FBXO17: variants seen among roughly 807,000 people sequenced by gnomAD.
FBXO17 encodes F-box only protein 17.
FBXO17 carries 43 observed loss-of-function variants against 34.1 expected under a neutral mutation model. The observed-to-expected ratio is 1.26, with a 90% CI of 0.99 to 1.62. The LOEUF (loss-of-function observed/expected upper bound fraction) is 1.62. FBXO17 is among the 40% of genes most tolerant of loss of function. FBXO17 has a pLI of 0.00. For missense variants in FBXO17, 424 were observed against 386.7 expected (o/e 1.10, Z -0.81); for synonymous variants, 169 against 166.0 (o/e 1.02, Z -0.14).
At position 38,975,501 on chromosome 19, in the gene FBXO17, C is replaced by T. The variant is rs1975449482; in HGVS notation, c.-18+85G>A. 6.6e-6 allele frequency: 1 copy of T among 152,256 alleles called. No homozygotes were observed. Among genetic ancestry groups the T allele is most frequent in the Non-Finnish European group, 1.5e-5 (1 of 68,080 alleles). The allele number at this position is 152,256 out of a possible 1,614,324, so 9.4% of individuals were successfully genotyped here. On this transcript the variant is annotated intron_variant, in intron 1 of 5. Transcript: ENST00000292852. This position sits in a 1 kb window ranked among gnomAD's most constrained non-coding sequence, Gnocchi z 4.9. The stretch of plus-strand genomic sequence containing the variant: ...TCCGGGCAGGGCCTGGCGCGGGAAT[C>T]CTTCCCGGGGCGCCCCAGCTGTGGG...
intron 1 of FBXO17, among the ~76,000 whole-genome samples, chr19:38,955,066 G>A (rs1451998751): frequency 6.6e-6 from 1 of 151,704 alleles, no homozygotes; most frequent in East Asian, 1.9e-4. Context: ...GGGTAACTGA[G>A]ACTACAGGCG....
At position 38,946,458 on chromosome 19, in the gene FBXO17, C is replaced by T. The variant is rs370841899; in HGVS notation, c.557+14G>A. The T allele has an allele frequency of 2.2e-5, 35 of 1,613,694 alleles. No homozygotes were observed. In the African/African-American group the frequency reaches 2.5e-4, roughly 12 times the overall value. On this transcript the variant is annotated intron_variant, in intron 4 of 5. Transcript: ENST00000292852. ...CTGCTGCTGCTCTGGGGCAGGGTGC[C>T]GCTCCTCACTCACCAGTCAGCCACA... is the stretch of plus-strand genomic sequence containing the variant.
chr19:38,949,822 C>G (rs1975045114), intron 2 of FBXO17, 149 bp downstream of exon 2: 2 of 1,015,734 alleles, frequency 2.0e-6, no homozygotes, highest in Non-Finnish European at 1.4e-6. Context: ...CCGGGCCTAC[C>G]GCCCAGGCAC....
At chr19:38,945,412 C>CCCAGGGAAGAGACCAGATTTTCTA (rs1974963390) in intron 4 of FBXO17, 1 of 226,340 alleles carries the variant, frequency 4.4e-6, no homozygotes, top group Non-Finnish European at 7.5e-6. Context: ...GAGCCAGAGC[C>CCCAGGGAAGAGACCAGATTTTCTA]TGGGGGAGGG....
intron 5 of FBXO17, 49 bp from the exon 6 acceptor site, chr19:38,942,800 C>T (rs2144804879): frequency 6.4e-7 from 1 of 1,570,478 alleles, no homozygotes; most frequent in African/African-American, 1.4e-5. Flanking sequence ...GGCCCCTTCT[C>T]TTCCTCCACT....
At chr19:38,943,728 T>C (rs1206678424) in intron 5 of FBXO17, among the ~76,000 whole-genome samples, 1 of 152,144 alleles carries the variant, frequency 6.6e-6, no homozygotes, top group East Asian at 1.9e-4. Flanking sequence ...GAAGCTGGGA[T>C]TACAGACGCC....
At chr19:38,962,079 TG>T in intron 1 of FBXO17, among the ~76,000 whole-genome samples, 1 of 148,244 alleles carries the variant, frequency 6.7e-6, no homozygotes, top group Non-Finnish European at 1.5e-5. Flanking sequence ...AACTGGAGTT[TG>T]GTTCTAGCCC....
chr19:38,967,029 A>G (rs752622434), intron 1 of FBXO17, among the ~76,000 whole-genome samples: 9 of 152,240 alleles, frequency 5.9e-5, no homozygotes, highest in South Asian at 2.1e-4. Context: ...ACTATGATTC[A>G]TAAAAGAAAA....
In FBXO17 at chr19:38,951,264, C is replaced by T. The variant is rs1260453023; in HGVS notation, c.-17-928G>A. 2.0e-5 allele frequency among the ~76,000 whole-genome samples: 3 copies of T among 152,014 alleles called. No homozygotes were observed. The East Asian group carries it at 5.8e-4, about 29-fold the overall frequency. On this transcript the variant is annotated intron_variant, in intron 1 of 5. Transcript: ENST00000292852. ...GACTATAGCCTCTACCTCCTGGGCTCGAGTGATCCTCCTGCCTCAGCCTCC... is the reference window on the plus strand; with the variant it reads ...GACTATAGCCTCTACCTCCTGGGCTTGAGTGATCCTCCTGCCTCAGCCTCC...
chr19:38,973,725 C>A (rs1320610204), intron 1 of FBXO17, among the ~76,000 whole-genome samples: 1 of 151,880 alleles, frequency 6.6e-6, no homozygotes, highest in East Asian at 1.9e-4. Context: ...CACCTGTAAT[C>A]CCAGGACTTT....
At chr19:38,969,557 T>A (rs1975363783) in intron 1 of FBXO17, among the ~76,000 whole-genome samples, 1 of 149,410 alleles carries the variant, frequency 6.7e-6, no homozygotes, top group African/African-American at 2.5e-5. Flanking sequence ...CCTGGTGGAA[T>A]CCATTTGGAA....
chr19:38,945,132 C>T, intron 4 of FBXO17, 28 bp from the exon 5 acceptor site: 1 of 1,612,622 alleles, frequency 6.2e-7, no homozygotes, highest in Non-Finnish European at 8.5e-7. Flanking sequence ...GCCTCTATGC[C>T]CCCGTCACCC....
chr19:38,959,030 G>A (rs1415330293), intron 1 of FBXO17, among the ~76,000 whole-genome samples: 1 of 152,098 alleles, frequency 6.6e-6, no homozygotes, highest in Non-Finnish European at 1.5e-5. Context: ...AGCCTCCTGA[G>A]TAGATGGGAC....
intron 1 of FBXO17, among the ~76,000 whole-genome samples, chr19:38,950,600 A>G (rs1037544686): frequency 6.6e-6 from 1 of 152,244 alleles, no homozygotes; most frequent in Admixed American, 6.5e-5. Context: ...TAAGCGCTTC[A>G]GGTATATGAC....
At chr19:38,948,338 C>A (rs934633740) in intron 3 of FBXO17, among the ~76,000 whole-genome samples, 3 of 152,230 alleles carry the variant, frequency 2.0e-5, no homozygotes, top group African/African-American at 7.2e-5. Flanking sequence ...GGCGATGATG[C>A]ACAGAGCATT....
At chr19:38,946,398 G>A in intron 4 of FBXO17, 74 bp downstream of exon 4, 1 of 1,600,978 alleles carries the variant, frequency 6.2e-7, no homozygotes, top group Admixed American at 1.7e-5. Context: ...TGATGGGGCG[G>A]GAAATGAGCC....
At chr19:38,946,279 A>G (rs1974981631) in intron 4 of FBXO17, 193 bp downstream of exon 4, 2 of 947,730 alleles carry the variant, frequency 2.1e-6, no homozygotes, top group Admixed American at 2.9e-5. Context: ...GCAGGAGTGC[A>G]GAGTGGGGGC....
At chr19:38,958,207 T>C (rs751103855) in intron 1 of FBXO17, among the ~76,000 whole-genome samples, 2 of 143,758 alleles carry the variant, frequency 1.4e-5, no homozygotes, top group Non-Finnish European at 3.0e-5. Context: ...AGGTTAGGGG[T>C]TTGAGAGCAG....
chr19:38,945,004 G>C lies in FBXO17; in HGVS notation c.658C>G (p.Pro220Ala). 1 of 1,614,026 alleles carries C rather than the reference G, an allele frequency of 6.2e-7. No individual in the cohort carries two copies. The highest frequency in any genetic ancestry group is 8.5e-7 in the Non-Finnish European group (1 of 1,179,876). Residue 220 changes from proline to alanine, a missense_variant, in exon 5 of 6, where the codon CCG becomes GCG. Physicochemically the swap from Pro to Ala is conservative, Grantham distance 27 (BLOSUM62 -1). Transcript: ENST00000292852. ...EVVKFSASPD[P>A]VLQWTERGCR... ...CCCCTCTCAGTCCACTGAAGGACCG[G>C]GTCAGGTGAGGCTGAGAACTTGACC...
Sources: gnomAD v4.1 joint callset for allele counts (sites outside exome capture counted in the v4.1 genomes callset) on GRCh38, gnomAD v4.1.1 for gene constraint, Gnocchi (gnomAD v3.1) non-coding constraint, MANE v1.5 for transcripts, NCBI Gene and HGNC (gene_info 2026-07-23, HGNC 2026-07-21) for gene names.